The following CLCN5 variants were observed in gnomAD, a reference collection of about 807,000 sequenced individuals.
CLCN5 encodes the protein Cl-/H+ antiporter 5.
Under a neutral mutation model 54.0 loss-of-function variants are expected in CLCN5, and 17 were observed. The observed-to-expected ratio is 0.31, with a 90% CI of 0.22 to 0.47. The LOEUF is 0.47. CLCN5 is among the 20% of genes least tolerant of loss of function. CLCN5 has a pLI of 1.00. For synonymous variants in CLCN5, 222 were observed against 233.0 expected (o/e 0.95, Z 0.43); for missense variants, 448 against 646.7 (o/e 0.69, Z 3.33).
At chrX:49,988,468 T>C (rs1368958684) in intron 3 of CLCN5, among the ~76,000 whole-genome samples, 2 of 111,490 alleles carry the variant, frequency 1.8e-5, no homozygotes, top group Non-Finnish European at 3.8e-5. Context: ...TTCTTCTGTG[T>C]GCTTGGATTT....
intron 3 of CLCN5, among the ~76,000 whole-genome samples, chrX:49,949,873 CTT>C (rs1475780651): frequency 9.0e-6 from 1 of 111,554 alleles, no homozygotes; most frequent in African/African-American, 3.3e-5. Flanking sequence ...ATCTTTTCTG[CTT>C]TGAGTCTCCT....
intron 3 of CLCN5, among the ~76,000 whole-genome samples, chrX:50,000,433 T>G (rs1230851602): frequency 9.0e-6 from 1 of 111,173 alleles, no homozygotes; most frequent in East Asian, 2.9e-4. Flanking sequence ...TTTCTGTGCA[T>G]GCCCCCACAC....
At chrX:50,075,215 C>G (rs1474661795) in intron 6 of CLCN5, among the ~76,000 whole-genome samples, 3 of 111,095 alleles carry the variant, frequency 2.7e-5, no homozygotes, top group African/African-American at 9.8e-5. Flanking sequence ...AGAATGCCTT[C>G]CTGCCATTGC....
chrX:50,003,831 G>C (rs1232885836), intron 3 of CLCN5, among the ~76,000 whole-genome samples: 2 of 111,882 alleles, frequency 1.8e-5, no homozygotes, highest in Non-Finnish European at 3.8e-5. Flanking sequence ...CTTTTGACCT[G>C]GTTCTGTCTT....
chrX:49,978,440 A>G, intron 3 of CLCN5, among the ~76,000 whole-genome samples: 1 of 112,229 alleles, frequency 8.9e-6, no homozygotes, highest in Non-Finnish European at 1.9e-5. Flanking sequence ...CTTGCTTGGC[A>G]CAGAGCATGG....
intron 3 of CLCN5, among the ~76,000 whole-genome samples, chrX:49,944,159 T>A (rs1366765191): frequency 7.2e-5 from 8 of 111,677 alleles, no homozygotes; most frequent in Non-Finnish European, 1.5e-4. Context: ...TTATTCTCTT[T>A]GTAGCAATTG....
At chrX:50,072,292 A>G (rs1933244575) in intron 5 of CLCN5, among the ~76,000 whole-genome samples, 197 bp from the exon 6 acceptor site, 1 of 111,813 alleles carries the variant, frequency 8.9e-6, no homozygotes, top group Non-Finnish European at 1.9e-5. Context: ...GGGCATTACA[A>G]TACTGTAGAT....
rs1557194734 is a variant in CLCN5, at chrX:50,090,862, G to A, written c.2336G>A (p.Arg779Gln). The A allele has an allele frequency of 4.1e-6, 5 of 1,208,013 alleles. No homozygotes were observed. Among genetic ancestry groups the A allele is most frequent in the Admixed American group, 2.2e-5 (1 of 45,955 alleles). ...VVDIFRKLGL[R>Q]QCLVTHNGRL... ...GATATTTTCCGAAAGCTGGGACTGC[G>A]GCAGTGCCTGGTTACACACAACGGG... The change falls in exon 14 of 15, where the codon CGG becomes CAG. Residue 779 changes from arginine to glutamine, a missense_variant. Physicochemically the swap from Arg to Gln is conservative, Grantham distance 43. Coordinates refer to ENST00000376091, the MANE Select transcript of CLCN5 (RefSeq NM_001127898.4).
chrX:49,936,325 C>G (rs963839262), intron 3 of CLCN5, among the ~76,000 whole-genome samples: 6 of 111,844 alleles, frequency 5.4e-5, no homozygotes, highest in African/African-American at 1.3e-4. Flanking sequence ...TCCCTTATAT[C>G]ACACCATTTT....
chrX:49,950,504 C>A (rs1293198197), intron 3 of CLCN5, among the ~76,000 whole-genome samples: 1 of 111,206 alleles, frequency 9.0e-6, no homozygotes, highest in Non-Finnish European at 1.9e-5. Context: ...TATTACCCCC[C>A]TTTTAAAGTT....
intron 3 of CLCN5, among the ~76,000 whole-genome samples, chrX:49,937,178 G>T (rs186821064): frequency 9.0e-6 from 1 of 111,635 alleles, no homozygotes; most frequent in African/African-American, 3.2e-5. Context: ...GATCCCACTT[G>T]TTCAACACAA....
At chrX:49,939,043 A>G (rs1926169903) in intron 3 of CLCN5, among the ~76,000 whole-genome samples, 1 of 109,799 alleles carries the variant, frequency 9.1e-6, no homozygotes, top group Admixed American at 9.8e-5. Context: ...AAAAATGCTC[A>G]TCATCACTGG....
At chrX:50,039,472 G>A (rs1304394672) in intron 3 of CLCN5, among the ~76,000 whole-genome samples, 1 of 111,818 alleles carries the variant, frequency 8.9e-6, no homozygotes, top group Non-Finnish European at 1.9e-5. Context: ...CCTTGCTTAG[G>A]AGATCCAAAT....
At chrX:49,965,559 G>T (rs1557175331) in intron 3 of CLCN5, among the ~76,000 whole-genome samples, 2 of 111,781 alleles carry the variant, frequency 1.8e-5, no homozygotes, top group African/African-American at 6.5e-5. Flanking sequence ...CATGTCTCCT[G>T]TTAATACGAG....
At chrX:49,944,421 GC>G (rs1557171588) in intron 3 of CLCN5, among the ~76,000 whole-genome samples, 2 of 111,058 alleles carry the variant, frequency 1.8e-5, no homozygotes, top group Non-Finnish European at 3.8e-5. Flanking sequence ...GATTGCCCTG[GC>G]CAGAACTTCC....
rs782607525 is a variant in CLCN5 at position 50,051,668 on chromosome X, C to G, written c.163+9206C>G. Among the ~76,000 whole-genome samples, 8 of 111,773 alleles carry G rather than the reference C, an allele frequency of 7.2e-5. No homozygotes were observed. The East Asian group carries it at 1.4e-3, about 20-fold the overall frequency. On this transcript the variant is annotated intron_variant, in intron 4 of 14. Transcript: ENST00000376091. ...ATGAACATTGACTATTTATTCAGATCTTTAGTTTCTTTAATCAGTATTTTG... is the reference window on the plus strand; with the variant it reads ...ATGAACATTGACTATTTATTCAGATGTTTAGTTTCTTTAATCAGTATTTTG...
At chrX:50,067,826 T>C (rs1473437959) in intron 4 of CLCN5, 3 of 508,919 alleles carry the variant, frequency 5.9e-6, no homozygotes, top group East Asian at 1.8e-4. Flanking sequence ...TCTGGAGAAT[T>C]GCAAGCAGTC....
intron 3 of CLCN5, among the ~76,000 whole-genome samples, chrX:50,007,443 C>CTCTG (rs1930253002): frequency 1.1e-5 from 1 of 90,715 alleles, no homozygotes; most frequent in Non-Finnish European, 2.1e-5. Context: ...CTCTCTGTCA[C>CTCTG]ACACACACAC....
chrX:49,946,316 A>T (rs782166682), intron 3 of CLCN5, among the ~76,000 whole-genome samples: 16 of 111,586 alleles, frequency 1.4e-4, no homozygotes, highest in African/African-American at 5.2e-4. Context: ...GTCGTGGCTC[A>T]ACTTGGTCCT....
Sources: gnomAD v4.1 joint callset for allele counts (sites outside exome capture counted in the v4.1 genomes callset) on GRCh38, gnomAD v4.1.1 for gene constraint, MANE v1.5 for transcripts, NCBI Gene and HGNC (gene_info 2026-07-23, HGNC 2026-07-21) for gene names.